The following ATXN7L1 variants were observed in gnomAD, a reference collection of about 807,000 sequenced individuals.
ATXN7L1 encodes the protein ataxin 7 like 1, also known as ataxin-7-like protein 1.
In ATXN7L1, 15 loss-of-function variants were observed where a neutral mutation model predicts 70.8. That is an observed-to-expected ratio of 0.21 (90% CI 0.14 to 0.33). The LOEUF is 0.33. ATXN7L1 is among the 10% of genes least tolerant of loss of function. The pLI is 1.00. For synonymous variants in ATXN7L1, 440 were observed against 445.1 expected (o/e 0.99, Z 0.14); for missense variants, 975 against 1,097.1 (o/e 0.89, Z 1.57).
intron 7 of ATXN7L1, among the ~76,000 whole-genome samples, chr7:105,625,383 T>C (rs958784162): frequency 2.6e-5 from 4 of 152,158 alleles, no homozygotes; most frequent in African/African-American, 7.2e-5. Flanking sequence ...CCCGAGTAGC[T>C]GGGATTACAG....
At chr7:105,750,365 C>T (rs1212879266) in intron 3 of ATXN7L1, among the ~76,000 whole-genome samples, 3 of 151,660 alleles carry the variant, frequency 2.0e-5, no homozygotes, top group Admixed American at 6.6e-5. Flanking sequence ...CAGCCTTGAC[C>T]TCCCGGCTCA....
intron 3 of ATXN7L1, among the ~76,000 whole-genome samples, chr7:105,733,605 C>CCACCCAT (rs1563048916): frequency 0.012 from 151 of 13,020 alleles, 19 homozygotes; most frequent in African/African-American, 0.021. Flanking sequence ...CATCCATCCA[C>CCACCCAT]CCATCCATCC....
At chr7:105,736,839 T>TAA (rs1216943523) in intron 3 of ATXN7L1, among the ~76,000 whole-genome samples, 1 of 152,262 alleles carries the variant, frequency 6.6e-6, no homozygotes, top group Non-Finnish European at 1.5e-5. Context: ...CACAGAGTCT[T>TAA]ACTTTCTTCT....
chr7:105,819,461 A>G, intron 2 of ATXN7L1: 1 of 678,704 alleles, frequency 1.5e-6, no homozygotes, highest in Non-Finnish European at 2.6e-6. Context: ...AAAAAAAAAA[A>G]AGAGTGTCCT....
intron 3 of ATXN7L1, among the ~76,000 whole-genome samples, chr7:105,753,999 G>A (rs981499542): frequency 1.3e-5 from 2 of 152,072 alleles, no homozygotes; most frequent in African/African-American, 4.8e-5. Context: ...AATCCTTCTC[G>A]GTCTCAGTTT....
chr7:105,842,936 G>C (rs971220361), intron 2 of ATXN7L1, among the ~76,000 whole-genome samples: 1 of 152,162 alleles, frequency 6.6e-6, no homozygotes, highest in African/African-American at 2.4e-5. Flanking sequence ...TTGGGGTTTT[G>C]ATTTGCATTT....
At chr7:105,665,319 C>A in intron 3 of ATXN7L1, 31 bp from the exon 4 acceptor site, 1 of 1,515,700 alleles carries the variant, frequency 6.6e-7, no homozygotes, top group Non-Finnish European at 9.0e-7. Context: ...GAACTCAGCA[C>A]AGCATCTGTA....
intron 3 of ATXN7L1, among the ~76,000 whole-genome samples, chr7:105,764,350 C>G (rs1800965124): frequency 2.6e-5 from 4 of 151,012 alleles, no homozygotes; most frequent in Admixed American, 2.6e-4. Context: ...GACCCCAAAG[C>G]AGTGGTTCTC....
intron 2 of ATXN7L1, among the ~76,000 whole-genome samples, chr7:105,833,669 A>C (rs115940615): frequency 6.6e-6 from 1 of 152,368 alleles, no homozygotes; most frequent in Non-Finnish European, 1.5e-5. Context: ...ATTTCACTGT[A>C]TGTAGTTTTT....
At chr7:105,822,884 T>G (rs538852333) in intron 2 of ATXN7L1, among the ~76,000 whole-genome samples, 2 of 152,330 alleles carry the variant, frequency 1.3e-5, no homozygotes, top group East Asian at 1.9e-4. Flanking sequence ...TAGCTTGCCC[T>G]TTTAACTTTT....
chr7:105,706,743 A>G (rs917671252), intron 3 of ATXN7L1, among the ~76,000 whole-genome samples: 2 of 152,232 alleles, frequency 1.3e-5, no homozygotes, highest in Non-Finnish European at 2.9e-5. Context: ...ATGTAGACCA[A>G]CAAATGACCT....
intron 3 of ATXN7L1, among the ~76,000 whole-genome samples, chr7:105,725,827 C>T (rs531150667): frequency 4.7e-4 from 70 of 149,506 alleles, no homozygotes; most frequent in African/African-American, 1.6e-3. Context: ...GAGATCCGCC[C>T]GCCTTGGCTT....
chr7:105,810,742 G>A (rs188642355), intron 2 of ATXN7L1, among the ~76,000 whole-genome samples: 67 of 152,346 alleles, frequency 4.4e-4, no homozygotes, highest in Non-Finnish European at 6.9e-4. Context: ...GCATGGGGGC[G>A]GCGGAAAGGC....
At chr7:105,689,521 G>T (rs1056653247) in intron 3 of ATXN7L1, among the ~76,000 whole-genome samples, 1 of 152,166 alleles carries the variant, frequency 6.6e-6, no homozygotes, top group Admixed American at 6.5e-5. Context: ...GGCTGTGGGG[G>T]TGATTGACAC....
rs557383944 is a variant in ATXN7L1, at chr7:105,781,222, T to C, written c.355+7382A>G. Among the ~76,000 whole-genome samples, 5 of 150,634 alleles carry C rather than the reference T, an allele frequency of 3.3e-5. No individual in the cohort carries two copies. The East Asian group carries it at 8.0e-4, about 24-fold the overall frequency. On this transcript the variant is annotated intron_variant, in intron 3 of 11. Coordinates refer to ENST00000419735, the MANE Select transcript of ATXN7L1 (RefSeq NM_020725.2). The stretch of plus-strand genomic sequence containing the variant: ...AACCCTGCTTTACTGTAGGTAGTTA[T>C]GTAACTATATTAGAAGATAAGGACC...
intron 2 of ATXN7L1, among the ~76,000 whole-genome samples, chr7:105,857,289 C>T (rs1463662319): frequency 6.6e-6 from 1 of 152,184 alleles, no homozygotes; most frequent in Non-Finnish European, 1.5e-5. Context: ...GTCTGAGACC[C>T]AGGTTAAAGG....
At chr7:105,819,467 G>A in intron 2 of ATXN7L1, 2 of 678,684 alleles carry the variant, frequency 2.9e-6, no homozygotes, top group South Asian at 1.5e-5. Flanking sequence ...AAAAAAGAGT[G>A]TCCTTTCCCA....
At chr7:105,717,364 G>A (rs1259892029) in intron 3 of ATXN7L1, among the ~76,000 whole-genome samples, 1 of 152,096 alleles carries the variant, frequency 6.6e-6, no homozygotes, top group Non-Finnish European at 1.5e-5. Flanking sequence ...CCGACCTCGT[G>A]ATCTGCCCAC....
rs185559726 is a variant in ATXN7L1 at position 105,703,733 on chromosome 7, T to C, written c.356-38445A>G. Among the ~76,000 whole-genome samples the C allele has an allele frequency of 1.4e-4, 22 of 152,290 alleles. No homozygotes were observed. The East Asian group carries it at 2.9e-3, about 20-fold the overall frequency. On this transcript the variant is annotated intron_variant, in intron 3 of 11. Transcript: ENST00000419735. ...CCTGTGTCCAGCCACCAAATCTGGA[T>C]GGTTTATGAGGGGATGATGCTGCTT...
Sources: allele counts gnomAD v4.1 joint callset (sites outside exome capture counted in the v4.1 genomes callset), GRCh38; gene constraint gnomAD v4.1.1; transcripts MANE v1.5; gene names NCBI Gene and HGNC (gene_info 2026-07-23, HGNC 2026-07-21).